Variants in ZNF333 observed in about 807,000 individuals in gnomAD.
ZNF333 encodes the protein zinc finger protein 333.
In ZNF333, 61 loss-of-function variants were observed where a neutral mutation model predicts 76.1. The observed-to-expected ratio is 0.80, with a 90% confidence interval of 0.65 to 0.99. The LOEUF is 0.99. Among genes scored for constraint, ZNF333 ranks in the 50% least tolerant of loss-of-function variants. ZNF333 has a pLI of 0.00. For synonymous variants in ZNF333, 284 were observed against 305.0 expected (o/e 0.93, Z 0.72); for missense variants, 717 against 822.4 (o/e 0.87, Z 1.57).
rs183086260 is a variant in ZNF333, at chr19:14,717,256, A to G, written c.823+167A>G. On this transcript the variant is annotated intron_variant, in intron 10 of 11. Coordinates refer to ENST00000292530, the MANE Select transcript of ZNF333 (RefSeq NM_032433.4). ...TCTTTCCTTTTTCCCTTTCCTTTTT[A>G]ATCTCTAAAACTTTGCATTCATCTC... 1.5e-4 allele frequency: 90 copies of G among 585,804 alleles called. No homozygotes were observed. In the East Asian group the frequency reaches 2.3e-3, roughly 15 times the overall value. 36.3% of individuals were successfully genotyped at this position (585,804 alleles called of 1,614,324 possible).
At chr19:14,693,610 G>C (rs1211494701) in intron 2 of ZNF333, 116 bp downstream of exon 2, 7 of 1,291,152 alleles carry the variant, frequency 5.4e-6, no homozygotes, top group Admixed American at 2.2e-5. Context: ...GAAAGGGAAG[G>C]GTGAGTGAGG....
chr19:14,709,842 C>T (rs530867971), intron 7 of ZNF333, among the ~76,000 whole-genome samples: 286 of 152,330 alleles, frequency 1.9e-3, no homozygotes, highest in African/African-American at 6.5e-3. Flanking sequence ...GTTAAGTCAC[C>T]TAGCGCATGG....
chr19:14,707,041 G>A (rs554092686), intron 7 of ZNF333: 6 of 387,658 alleles, frequency 1.5e-5, no homozygotes, highest in South Asian at 5.0e-5. Flanking sequence ...TTGACTACAC[G>A]ATAATGTTGA....
chr19:14,710,607 G>T (rs1364541365), intron 7 of ZNF333, among the ~76,000 whole-genome samples: 2 of 152,014 alleles, frequency 1.3e-5, no homozygotes, highest in Non-Finnish European at 2.9e-5. Flanking sequence ...GCGAAACCCT[G>T]TCTCTACTAA....
chr19:14,727,765 C>T (rs2042642979), intron 11 of ZNF333, among the ~76,000 whole-genome samples: 1 of 151,978 alleles, frequency 6.6e-6, no homozygotes, highest in Non-Finnish European at 1.5e-5. Flanking sequence ...GTATCCTAAT[C>T]ATTTCCTTTA....
intron 4 of ZNF333, among the ~76,000 whole-genome samples, chr19:14,696,027 C>T (rs529828375): frequency 9.2e-5 from 14 of 152,130 alleles, no homozygotes; most frequent in Admixed American, 3.3e-4. Flanking sequence ...AAAAATTAGC[C>T]GGATGTGATG....
intron 11 of ZNF333, among the ~76,000 whole-genome samples, chr19:14,728,482 A>G (rs373292468): frequency 2.0e-5 from 3 of 152,124 alleles, no homozygotes; most frequent in Non-Finnish European, 2.9e-5. Context: ...TCTTGCTAGG[A>G]TATGTAGAAA....
chr19:14,730,041 GAA>G (rs1046159804), intron 11 of ZNF333, among the ~76,000 whole-genome samples: 12 of 152,080 alleles, frequency 7.9e-5, no homozygotes, highest in African/African-American at 2.9e-4. Context: ...AAAATAGAGA[GAA>G]GAGAGTTATT....
At position 14,719,548 on chromosome 19, in the gene ZNF333, A is replaced by G; in HGVS notation, c.*223A>G. ...TTTTCATAGAGGTATAATGACTTAT[A>G]GTGAAATGCATACATCTGAAGTGTA... On this transcript the variant is annotated 3_prime_UTR_variant, in exon 12 of 12. Transcript: ENST00000292530. The G allele has an allele frequency of 9.1e-7, 1 of 1,093,890 alleles. No homozygotes were observed. The highest frequency in any genetic ancestry group is 1.2e-6 in the Non-Finnish European group (1 of 812,674). 67.8% of individuals were successfully genotyped at this position (1,093,890 alleles called of 1,614,324 possible). A position where few individuals can be genotyped will look rare whatever the true frequency, so the allele number is the denominator to read the frequency against.
At chr19:14,705,351 G>A (rs1599718693) in intron 6 of ZNF333, among the ~76,000 whole-genome samples, 181 bp downstream of exon 6, 1 of 152,272 alleles carries the variant, frequency 6.6e-6, no homozygotes, top group East Asian at 1.9e-4. Flanking sequence ...TGTCCCCAGG[G>A]TGATGGCGGG....
chr19:14,700,621 C>G (rs147345005), intron 5 of ZNF333, among the ~76,000 whole-genome samples: 7 of 152,278 alleles, frequency 4.6e-5, no homozygotes, highest in East Asian at 1.9e-4. Context: ...CACCATCCCC[C>G]CTTTGGCCCT....
intron 5 of ZNF333, among the ~76,000 whole-genome samples, chr19:14,704,822 A>G (rs1172011710): frequency 1.3e-5 from 2 of 152,196 alleles, no homozygotes; most frequent in Non-Finnish European, 2.9e-5. Context: ...ACAGAGCCAA[A>G]CCATATCAAT....
chr19:14,725,465 A>T (rs970004133), downstream of ZNF333, among the ~76,000 whole-genome samples: 8 of 152,296 alleles, frequency 5.3e-5, no homozygotes, highest in East Asian at 1.5e-3. Context: ...TTCCACCATC[A>T]ACTCAATCAA....
chr19:14,705,198 G>C, intron 6 of ZNF333, 28 bp downstream of exon 6: 1 of 1,598,838 alleles, frequency 6.3e-7, no homozygotes, highest in South Asian at 1.1e-5. Context: ...TCACTGTGAT[G>C]GCACCAGGTG....
At position 14,716,283 on chromosome 19, in the gene ZNF333, G is replaced by A. The variant is rs368439635; in HGVS notation, c.727+45G>A. ...TCTTTCCTTTTTTTTTTTTGAGACA[G>A]AGTCTTGCTCTGTTGCCTAGGCTGG... On this transcript the variant is annotated intron_variant, in intron 9 of 11. Transcript: ENST00000292530. 2.8e-5 allele frequency: 45 copies of A among 1,588,510 alleles called. No homozygotes were observed. The African/African-American group carries it at 5.5e-4, about 19-fold the overall frequency.
chr19:14,690,678 TGAC>T (rs1972695882), intron 1 of ZNF333, among the ~76,000 whole-genome samples: 1 of 152,240 alleles, frequency 6.6e-6, no homozygotes, highest in East Asian at 1.9e-4. Context: ...ATGAATTAGA[TGAC>T]GAGAGATTTC....
At chr19:14,713,497 C>T (rs981130256) in intron 7 of ZNF333, among the ~76,000 whole-genome samples, 3 of 152,112 alleles carry the variant, frequency 2.0e-5, no homozygotes, top group South Asian at 2.1e-4. Flanking sequence ...GGAATTGACA[C>T]CCAGAGAATG....
rs191414187 is a variant in ZNF333, at chr19:14,695,101, T to G, written c.95T>G (p.Met32Arg). 3 of 1,614,102 alleles carry G rather than the reference T, an allele frequency of 1.9e-6. No individual in the cohort carries two copies. The East Asian group carries it at 6.7e-5, about 36-fold the overall frequency. Residue 32 changes from methionine (M) to arginine (R), a missense_variant, in exon 3 of 12, where the codon ATG becomes AGG. Physicochemically the swap from Met to Arg is moderately conservative, Grantham distance 91. Coordinates refer to ENST00000292530, the MANE Select transcript of ZNF333 (RefSeq NM_032433.4). ...CGGAGGAGCCTGTGCAAATACAGGA[T>G]GCTTGACCAGTGCAGGACCCTGGCC... ...SARRSLCKYR[M>R]LDQCRTLASR... is the part of the protein sequence containing the mutation.
intron 4 of ZNF333, among the ~76,000 whole-genome samples, chr19:14,696,299 T>G (rs1184011675): frequency 6.6e-6 from 1 of 152,118 alleles, no homozygotes; most frequent in Non-Finnish European, 1.5e-5. Flanking sequence ...CAGAACATTT[T>G]CATCACGCCA....
Sources: gnomAD v4.1 joint callset for allele counts (sites outside exome capture counted in the v4.1 genomes callset) on GRCh38, gnomAD v4.1.1 for gene constraint, MANE v1.5 for transcripts, NCBI Gene and HGNC (gene_info 2026-07-23, HGNC 2026-07-21) for gene names.